The following RNF141 variants were observed in gnomAD, a reference collection of about 807,000 sequenced individuals.
The protein encoded by RNF141 is C3HC4-like zinc finger protein.
RNF141 carries 18 observed loss-of-function variants against 27.4 expected under a neutral mutation model. The observed-to-expected ratio is 0.66, with a 90% CI of 0.45 to 0.97. The LOEUF (loss-of-function observed/expected upper bound fraction) is 0.97. Ranked by LOEUF, RNF141 falls within the 50% of genes least tolerant of loss-of-function variation. The pLI is 0.00. For missense variants in RNF141, 230 were observed against 279.4 expected (o/e 0.82, Z 1.26); for synonymous variants, 97 against 96.6 (o/e 1.00, Z -0.02).
intron 5 of RNF141, chr11:10,516,028 C>T (rs1227967923): frequency 6.6e-6 from 1 of 152,138 alleles, no homozygotes. Flanking sequence ...TTCTTTTCAT[C>T]TCTCAGTGAA....
intron 3 of RNF141, 100 bp from the exon 4 acceptor site, chr11:10,525,473 T>C (rs750306245): frequency 9.0e-6 from 8 of 887,536 alleles, no homozygotes; most frequent in African/African-American, 3.4e-5. Context: ...TCCTAGGAAA[T>C]AGGAGTTTTC....
intron 1 of RNF141, among the ~76,000 whole-genome samples, chr11:10,536,639 T>G (rs1850039362): frequency 6.6e-6 from 1 of 152,176 alleles, no homozygotes; most frequent in African/African-American, 2.4e-5. Context: ...TTTAAAGAGA[T>G]GGAGTCTCTT....
At chr11:10,518,197 A>G (rs530529537) in intron 5 of RNF141, 1 of 152,294 alleles carries the variant, frequency 6.6e-6, no homozygotes, top group East Asian at 1.9e-4. Flanking sequence ...GCTTTTTAAA[A>G]AGTTAAACAC....
intron 4 of RNF141, among the ~76,000 whole-genome samples, chr11:10,521,160 C>T (rs1849885093): frequency 6.6e-6 from 1 of 152,212 alleles, no homozygotes; most frequent in Non-Finnish European, 1.5e-5. Flanking sequence ...TATACCTTTG[C>T]AGATGGTATT....
intron 5 of RNF141, chr11:10,516,141 ATAT>A (rs1369130330): frequency 6.6e-6 from 1 of 152,234 alleles, no homozygotes; most frequent in Non-Finnish European, 1.5e-5. Flanking sequence ...CAGCTGGCAT[ATAT>A]TATTTAGGTT....
At chr11:10,522,703 C>T (rs1849897574) in intron 4 of RNF141, among the ~76,000 whole-genome samples, 1 of 152,158 alleles carries the variant, frequency 6.6e-6, no homozygotes, top group Non-Finnish European at 1.5e-5. Context: ...TTCCAGAGGG[C>T]ACAGCCATTG....
chr11:10,529,267 A>G (rs1323091364), intron 3 of RNF141, among the ~76,000 whole-genome samples: 1 of 152,242 alleles, frequency 6.6e-6, no homozygotes, highest in Non-Finnish European at 1.5e-5. Context: ...TTCAGAAGTG[A>G]CATCTGCTGG....
Position 10,536,439 on chromosome 11 carries a change from G to A in RNF141, c.-47-2234C>T, listed in dbSNP as rs75892811. On this transcript the variant is annotated intron_variant, in intron 1 of 5. Coordinates refer to ENST00000265981, the MANE Select transcript of RNF141 (RefSeq NM_016422.4). ...AAGACTGTATGCCTGCCCAATCTGC[G>A]GATGACCAAAACTGGAATAAATGAA... is the stretch of plus-strand genomic sequence containing the variant. Among the ~76,000 whole-genome samples, 1,420 of 152,090 alleles carry A rather than the reference G, an allele frequency of 9.3e-3. 26 individuals are homozygous for A. Among genetic ancestry groups the A allele is most frequent in the African/African-American group, 0.032 (1,344 of 41,466 alleles).
chr11:10,528,900 T>G (rs10500726), intron 3 of RNF141, among the ~76,000 whole-genome samples: 2 of 151,934 alleles, frequency 1.3e-5, no homozygotes, highest in Admixed American at 1.3e-4. Flanking sequence ...AACAACTTTT[T>G]TCGTAATGCA....
intron 3 of RNF141, among the ~76,000 whole-genome samples, chr11:10,528,520 C>T (rs1247314877): frequency 6.6e-6 from 1 of 152,090 alleles, no homozygotes; most frequent in Non-Finnish European, 1.5e-5. Flanking sequence ...TAAAATTAAA[C>T]CTTAAGTCTG....
At chr11:10,531,488 A>G (rs1216651001) in intron 2 of RNF141, among the ~76,000 whole-genome samples, 2 of 152,222 alleles carry the variant, frequency 1.3e-5, no homozygotes, top group Non-Finnish European at 2.9e-5. Flanking sequence ...TGTTCAAACA[A>G]TGATACTAAC....
rs1162988721 is a variant in RNF141, at chr11:10,512,094, A to G, written c.*2822T>C. 2 of 152,668 alleles carry G rather than the reference A, an allele frequency of 1.3e-5. No homozygotes were observed. Among genetic ancestry groups the G allele is most frequent in the African/African-American group, 4.8e-5 (2 of 41,448 alleles). 9.5% of individuals were successfully genotyped at this position (152,668 alleles called of 1,614,324 possible). A position where few individuals can be genotyped will look rare whatever the true frequency, so the allele number is the denominator to read the frequency against. On this transcript the variant is annotated 3_prime_UTR_variant, in exon 6 of 6. Coordinates refer to ENST00000265981, the MANE Select transcript of RNF141 (RefSeq NM_016422.4). The stretch of plus-strand genomic sequence containing the variant: ...GTAAACCCTCTGTTACTGAGTTAGG[A>G]TAGGGAAAACAAATTCCTTAGAGTT...
intron 5 of RNF141, chr11:10,517,097 G>C (rs1849848865): frequency 6.6e-6 from 1 of 151,540 alleles, no homozygotes; most frequent in African/African-American, 2.4e-5. Flanking sequence ...AGAATTAGCA[G>C]ATAAAATGGA....
intron 1 of RNF141, among the ~76,000 whole-genome samples, chr11:10,534,632 C>A (rs909259421): frequency 1.3e-5 from 2 of 152,136 alleles, no homozygotes; most frequent in African/African-American, 4.8e-5. Context: ...TTACTTCTTA[C>A]AACAATCCTA....
intron 4 of RNF141, among the ~76,000 whole-genome samples, chr11:10,521,444 T>G (rs906146571): frequency 6.6e-6 from 1 of 152,242 alleles, no homozygotes; most frequent in Non-Finnish European, 1.5e-5. Flanking sequence ...TCATCAGACA[T>G]GTATTACTTT....
intron 1 of RNF141, among the ~76,000 whole-genome samples, chr11:10,540,570 G>A (rs1478068651): frequency 1.3e-5 from 2 of 152,210 alleles, no homozygotes; most frequent in African/African-American, 4.8e-5. Context: ...CCTTTGGGAA[G>A]GGTAGCAGCC....
chr11:10,515,043 G>A lies in RNF141; in HGVS notation c.566C>T (p.Pro189Leu). The change falls in exon 6 of 6, where the codon CCT (proline) becomes CTT (leucine). Residue 189 changes from proline (P) to leucine (L), a missense_variant. Transcript: ENST00000265981. ...TCCAGTCATCTGTAGGCGACAAATA[G>A]GGCAATTCCTGTGTCGATCACTCCT... ...DKWSDRHRNC[P>L]ICRLQMTGAN... 1.2e-6 allele frequency: 2 copies of A among 1,613,676 alleles called. No individual in the cohort carries two copies. The highest frequency in any genetic ancestry group is 1.3e-5 in the African/African-American group (1 of 75,012).
At chr11:10,526,536 C>A (rs1849936888) in intron 3 of RNF141, among the ~76,000 whole-genome samples, 1 of 152,082 alleles carries the variant, frequency 6.6e-6, no homozygotes, top group Non-Finnish European at 1.5e-5. Flanking sequence ...GTAATCCCAG[C>A]ACTTTGGGAG....
At position 10,539,691 on chromosome 11, in the gene RNF141, C is replaced by CATATATATAT. The variant is rs1554905298; in HGVS notation, c.-48+1430_-48+1431insATATATATAT. On this transcript the variant is annotated intron_variant, in intron 1 of 5. Transcript: ENST00000265981. ...GATCTTGATCAGAAAAAGATACATA[C>CATATATATAT]ATATATATTAGAGAGAGAAGGAGAG... Among the ~76,000 whole-genome samples the CATATATATAT allele has an allele frequency of 7.4e-4, 30 of 40,320 alleles. 5 individuals carry two copies. The highest frequency in any genetic ancestry group is 0.034 in the Middle Eastern group (2 of 58). 26.5% of individuals were successfully genotyped at this position (40,320 alleles called of 152,430 possible).
Sources: gnomAD v4.1 joint callset for allele counts (sites outside exome capture counted in the v4.1 genomes callset) on GRCh38, gnomAD v4.1.1 for gene constraint, MANE v1.5 for transcripts, NCBI Gene and HGNC (gene_info 2026-07-23, HGNC 2026-07-21) for gene names.